Variants in PALM2AKAP2 observed in about 807,000 individuals in gnomAD.
The protein encoded by PALM2AKAP2 is PALM2-AKAP2 fusion protein.
A neutral mutation model predicts 71.5 loss-of-function variants in PALM2AKAP2; 37 were observed. The ratio of observed to expected loss-of-function variants is 0.52; its 90% CI spans 0.40 to 0.68. PALM2AKAP2 has a LOEUF of 0.68. Ranked by LOEUF, PALM2AKAP2 falls within the 30% of genes least tolerant of loss-of-function variation. The pLI, the probability that PALM2AKAP2 is intolerant of heterozygous loss-of-function variation, is 0.00. For synonymous variants in PALM2AKAP2, 468 were observed against 478.8 expected, an observed-to-expected ratio of 0.98 and a Z score of 0.29; for missense variants, 1,224 against 1,191.8, an observed-to-expected ratio of 1.03 and a Z score of -0.40.
intron 6 of PALM2AKAP2, chr9:109,945,812 T>G (rs1831490320): frequency 6.6e-6 from 1 of 152,210 alleles, no homozygotes; most frequent in African/African-American, 2.4e-5. Context: ...ATAAGTGAAC[T>G]AGTTACTCAT....
At chr9:110,049,914 G>A (rs963331456) in intron 1 of PALM2AKAP2, among the ~76,000 whole-genome samples, 1 of 152,222 alleles carries the variant, frequency 6.6e-6, no homozygotes, top group Non-Finnish European at 1.5e-5. Context: ...GCCAGCCTGA[G>A]GGATCCCTCC....
intron 6 of PALM2AKAP2, among the ~76,000 whole-genome samples, chr9:110,000,522 A>G (rs1032048579): frequency 2.0e-5 from 3 of 152,220 alleles, no homozygotes; most frequent in Admixed American, 6.5e-5. Context: ...CTTTGGGTAC[A>G]TACCCAATAA....
At chr9:109,714,158 C>T (rs1828283586) in intron 1 of PALM2AKAP2, among the ~76,000 whole-genome samples, 1 of 152,220 alleles carries the variant, frequency 6.6e-6, no homozygotes, top group African/African-American at 2.4e-5. Context: ...AATTAGTCAC[C>T]TTTCTCTACA....
intron 1 of PALM2AKAP2, among the ~76,000 whole-genome samples, chr9:109,697,183 A>T (rs1280166923): frequency 1.3e-5 from 2 of 152,182 alleles, no homozygotes; most frequent in African/African-American, 2.4e-5. Flanking sequence ...CCACCTAGAC[A>T]TTAAGAAGAG....
At chr9:110,004,530 G>A (rs955161511) in intron 6 of PALM2AKAP2, among the ~76,000 whole-genome samples, 2 of 152,152 alleles carry the variant, frequency 1.3e-5, no homozygotes, top group African/African-American at 2.4e-5. Context: ...TTCTCGAGGA[G>A]TATCTTTTTG....
chr9:109,769,750 C>T (rs1332825806), intron 1 of PALM2AKAP2, among the ~76,000 whole-genome samples: 2 of 152,100 alleles, frequency 1.3e-5, no homozygotes, highest in South Asian at 2.1e-4. Context: ...CAACATAGTG[C>T]TATGTTTTAT....
At chr9:110,011,008 A>ATATAT (rs59500188) in intron 6 of PALM2AKAP2, among the ~76,000 whole-genome samples, 9 of 91,756 alleles carry the variant, frequency 9.8e-5, no homozygotes, top group South Asian at 3.2e-4. Context: ...AAAAAAAAAA[A>ATATAT]AAAAAAATAT....
rs114179102 is a variant in PALM2AKAP2, at chr9:110,114,683, A to T, written c.157-21444A>T. On this transcript the variant is annotated intron_variant, in intron 1 of 3. Transcript: ENST00000374525. ...ACGTAGAACAAAGAGTCTAAAACCTATGGCAGCAAAACGGTCAACAGCAGG... is the reference window on the plus strand; with the variant it reads ...ACGTAGAACAAAGAGTCTAAAACCTTTGGCAGCAAAACGGTCAACAGCAGG... Among the ~76,000 whole-genome samples the T allele has an allele frequency of 3.9e-3, 599 of 152,314 alleles. 5 individuals carry two copies. The highest frequency in any genetic ancestry group is 0.014 in the African/African-American group (562 of 41,564).
chr9:109,908,871 A>G (rs1039254487), intron 3 of PALM2AKAP2, among the ~76,000 whole-genome samples: 3 of 150,834 alleles, frequency 2.0e-5, no homozygotes, highest in Non-Finnish European at 4.4e-5. Flanking sequence ...TCAGCAGGAA[A>G]GCTATCACAG....
At chr9:109,988,517 A>G (rs1293503148) in intron 6 of PALM2AKAP2, among the ~76,000 whole-genome samples, 2 of 151,630 alleles carry the variant, frequency 1.3e-5, no homozygotes, top group Non-Finnish European at 2.9e-5. Context: ...AAAAGGAAGG[A>G]AGGGAGGGAA....
intron 1 of PALM2AKAP2, among the ~76,000 whole-genome samples, chr9:109,723,729 G>C (rs561470731): frequency 6.6e-6 from 1 of 152,310 alleles, no homozygotes; most frequent in East Asian, 1.9e-4. Context: ...CACAGCACCT[G>C]CAAAAAAGCA....
chr9:110,048,453 C>T, upstream of PALM2AKAP2: 1 of 509,150 alleles, frequency 2.0e-6, no homozygotes. Context: ...CCCGCCCCAT[C>T]CATCCCTCCG....
chr9:109,778,696 A>G (rs1829383238), upstream of PALM2AKAP2, among the ~76,000 whole-genome samples: 1 of 152,038 alleles, frequency 6.6e-6, no homozygotes, highest in African/African-American at 2.4e-5. Context: ...CTCTGTGAAA[A>G]TTGAAAGGGC....
At chr9:110,011,551 A>G (rs1832885272) in intron 6 of PALM2AKAP2, among the ~76,000 whole-genome samples, 1 of 152,208 alleles carries the variant, frequency 6.6e-6, no homozygotes, top group South Asian at 2.1e-4. Flanking sequence ...CACTGGTCCA[A>G]TGCATTACAT....
intron 1 of PALM2AKAP2, among the ~76,000 whole-genome samples, chr9:109,837,008 A>G (rs1188094212): frequency 6.6e-6 from 1 of 152,230 alleles, no homozygotes; most frequent in Non-Finnish European, 1.5e-5. Flanking sequence ...GCCAACATTC[A>G]AATTCAGGAA....
At chr9:109,747,266 G>GCCCCCAGGCCAC (rs1223587382) in intron 1 of PALM2AKAP2, among the ~76,000 whole-genome samples, 2 of 152,142 alleles carry the variant, frequency 1.3e-5, no homozygotes, top group Admixed American at 6.6e-5. Flanking sequence ...TGTCAGGCTA[G>GCCCCCAGGCCAC]CCCCCAGGCC....
chr9:110,023,442 T>C (rs1833112806), intron 7 of PALM2AKAP2, among the ~76,000 whole-genome samples: 1 of 150,292 alleles, frequency 6.7e-6, no homozygotes, highest in African/African-American at 2.4e-5. Flanking sequence ...GCCTCCTGAG[T>C]AGATGGGATT....
chr9:110,000,464 A>G (rs1832662413), intron 6 of PALM2AKAP2, among the ~76,000 whole-genome samples: 1 of 152,202 alleles, frequency 6.6e-6, no homozygotes, highest in African/African-American at 2.4e-5. Flanking sequence ...ATACTGCCGC[A>G]ATAAACATAT....
intron 1 of PALM2AKAP2, among the ~76,000 whole-genome samples, chr9:109,641,967 C>A (rs967901182): frequency 1.3e-5 from 2 of 152,128 alleles, no homozygotes; most frequent in Non-Finnish European, 2.9e-5. Context: ...GGATTTCAGG[C>A]CCCACCTAGC....
Sources: gnomAD v4.1 joint callset for allele counts (sites outside exome capture counted in the v4.1 genomes callset) on GRCh38, gnomAD v4.1.1 for gene constraint, MANE v1.5 for transcripts, NCBI Gene and HGNC (gene_info 2026-07-23, HGNC 2026-07-21) for gene names.